RASA2: variants seen among roughly 807,000 people sequenced by gnomAD.
RASA2 encodes RAS p21 protein activator 2.
A neutral mutation model predicts 118.2 loss-of-function variants in RASA2; 155 were observed. That is an observed-to-expected ratio of 1.31 (90% CI 1.15 to 1.50). RASA2 has a LOEUF of 1.50. Among genes scored for constraint, RASA2 ranks in the 40% most tolerant of loss-of-function variants. The probability of loss-of-function intolerance (pLI) is 0.00; values close to 1 mark genes in which losing one functional copy is unlikely to be tolerated. For missense variants in RASA2, 1,016 were observed against 1,009.6 expected, an observed-to-expected ratio of 1.01 and a Z score of -0.09; for synonymous variants, 353 against 349.1, an observed-to-expected ratio of 1.01 and a Z score of -0.12.
chr3:141,519,132 T>C (rs1240933208), intron 3 of RASA2, among the ~76,000 whole-genome samples: 1 of 152,224 alleles, frequency 6.6e-6, no homozygotes, highest in Non-Finnish European at 1.5e-5. Flanking sequence ...ATTTTTATGA[T>C]TTCCTCTGTA....
At chr3:141,506,916 A>G (rs1175181756) in intron 1 of RASA2, among the ~76,000 whole-genome samples, 3 of 73,632 alleles carry the variant, frequency 4.1e-5, no homozygotes, top group African/African-American at 1.4e-4. Flanking sequence ...ACCCTGTCTC[A>G]AAAAAAAAAA....
chr3:141,554,504 C>A (rs2082620306), intron 6 of RASA2, among the ~76,000 whole-genome samples: 1 of 152,110 alleles, frequency 6.6e-6, no homozygotes, highest in African/African-American at 2.4e-5. Flanking sequence ...AAACCTATAG[C>A]ACTTTGTAAT....
intron 3 of RASA2, among the ~76,000 whole-genome samples, chr3:141,516,639 C>G (rs927508869): frequency 7.9e-5 from 12 of 152,194 alleles, no homozygotes; most frequent in Non-Finnish European, 1.8e-4. Flanking sequence ...TGCAGCTCCC[C>G]TAGTCACTAT....
chr3:141,576,141 A>G (rs76412537), intron 14 of RASA2, among the ~76,000 whole-genome samples: 3,432 of 152,290 alleles, frequency 0.023, 138 homozygotes, highest in African/African-American at 0.078. Context: ...TGACTTAACT[A>G]TTAATATGGT....
chr3:141,532,789 A>G (rs955876289), intron 4 of RASA2, among the ~76,000 whole-genome samples: 31 of 152,122 alleles, frequency 2.0e-4, no homozygotes, highest in African/African-American at 7.5e-4. Flanking sequence ...CTGACTCAGT[A>G]CAGCAATAGA....
intron 4 of RASA2, among the ~76,000 whole-genome samples, chr3:141,534,452 C>G (rs1238802192): frequency 6.6e-6 from 1 of 152,152 alleles, no homozygotes; most frequent in African/African-American, 2.4e-5. Flanking sequence ...GTTTGTCTCA[C>G]ACAACTTGTC....
At chr3:141,594,617 T>C (rs1473205985) in intron 19 of RASA2, among the ~76,000 whole-genome samples, 2 of 152,228 alleles carry the variant, frequency 1.3e-5, no homozygotes, top group East Asian at 3.9e-4. Context: ...TGGAGGACAG[T>C]GGAATGACCT....
At chr3:141,505,724 T>G (rs976900408) in intron 1 of RASA2, among the ~76,000 whole-genome samples, 1 of 152,114 alleles carries the variant, frequency 6.6e-6, no homozygotes, top group Non-Finnish European at 1.5e-5. Context: ...CATTGAAGAC[T>G]TCTAAGCAAG....
intron 2 of RASA2, among the ~76,000 whole-genome samples, chr3:141,512,935 T>G (rs2081972120): frequency 6.6e-6 from 1 of 151,758 alleles, no homozygotes; most frequent in Admixed American, 6.6e-5. Flanking sequence ...TGGTGCTGGG[T>G]GTCTGTAATC....
intron 8 of RASA2, among the ~76,000 whole-genome samples, chr3:141,559,274 A>C (rs2082694746): frequency 6.6e-6 from 1 of 152,156 alleles, no homozygotes; most frequent in African/African-American, 2.4e-5. Context: ...ATGGAAAGGA[A>C]GTTATATCTC....
intron 1 of RASA2, among the ~76,000 whole-genome samples, chr3:141,494,525 C>T (rs961751640): frequency 3.3e-5 from 5 of 152,110 alleles, no homozygotes; most frequent in Non-Finnish European, 7.4e-5. Flanking sequence ...TGTGCCACCA[C>T]GCCCAGCTAA....
chr3:141,506,878 T>G (rs1246187975), intron 1 of RASA2, among the ~76,000 whole-genome samples: 1 of 142,382 alleles, frequency 7.0e-6, no homozygotes, highest in Non-Finnish European at 1.5e-5. Context: ...ATTGTGCCAC[T>G]GCACTCCAGC....
At chr3:141,513,091 A>G (rs1339169273) in intron 2 of RASA2, among the ~76,000 whole-genome samples, 1 of 150,674 alleles carries the variant, frequency 6.6e-6, no homozygotes, top group African/African-American at 2.4e-5. Context: ...CAAAAAAACG[A>G]AAAACAGGGT....
intron 9 of RASA2, among the ~76,000 whole-genome samples, chr3:141,562,075 C>T (rs1045728493): frequency 7.2e-5 from 11 of 151,846 alleles, no homozygotes; most frequent in Admixed American, 6.6e-4. Flanking sequence ...GCCTCAGCCT[C>T]CCAAGTAGCT....
chr3:141,492,737 G>GT (rs1420024539), intron 1 of RASA2, among the ~76,000 whole-genome samples: 1 of 152,160 alleles, frequency 6.6e-6, no homozygotes, highest in Non-Finnish European at 1.5e-5. Flanking sequence ...TAGTACACTT[G>GT]TTTTGCATGA....
intron 19 of RASA2, among the ~76,000 whole-genome samples, chr3:141,599,862 G>A (rs1382520033): frequency 6.6e-6 from 1 of 152,162 alleles, no homozygotes; most frequent in Non-Finnish European, 1.5e-5. Context: ...GAGTAAGGGA[G>A]GGAATGTAGA....
intron 5 of RASA2, among the ~76,000 whole-genome samples, chr3:141,549,413 C>T (rs908234172): frequency 3.9e-5 from 6 of 152,016 alleles, no homozygotes; most frequent in Non-Finnish European, 7.4e-5. Flanking sequence ...ATTCCCATTC[C>T]TCTGCTCTCC....
At chr3:141,495,800 AGAC>A (rs536636871) in intron 1 of RASA2, among the ~76,000 whole-genome samples, 6 of 152,222 alleles carry the variant, frequency 3.9e-5, no homozygotes, top group Non-Finnish European at 7.3e-5. Context: ...GAATAATTGG[AGAC>A]GACTTAAATG....
intron 9 of RASA2, among the ~76,000 whole-genome samples, chr3:141,562,632 A>C (rs1482310154): frequency 6.7e-6 from 1 of 149,444 alleles, no homozygotes; most frequent in East Asian, 2.0e-4. Flanking sequence ...AAAAAAAGAA[A>C]ACAAAAAACA....
Sources: allele counts gnomAD v4.1 joint callset (sites outside exome capture counted in the v4.1 genomes callset), GRCh38; gene constraint gnomAD v4.1.1; transcripts MANE v1.5; gene names NCBI Gene and HGNC (gene_info 2026-07-23, HGNC 2026-07-21).